The following SPECC1 variants were observed in gnomAD, a reference collection of about 807,000 sequenced individuals.
SPECC1 encodes the protein cytospin-B.
Under a neutral mutation model 104.1 loss-of-function variants are expected in SPECC1, and 62 were observed. That is an observed-to-expected ratio of 0.60 (90% CI 0.49 to 0.74). The LOEUF (loss-of-function observed/expected upper bound fraction) is 0.74. SPECC1 is among the 30% of genes least tolerant of loss of function. SPECC1 has a pLI of 0.00. For synonymous variants in SPECC1, 513 were observed against 501.6 expected (o/e 1.02, Z -0.30); for missense variants, 1,306 against 1,310.5 (o/e 1.00, Z 0.05).
intron 12 of SPECC1, among the ~76,000 whole-genome samples, chr17:20,265,639 T>C (rs969800983): frequency 6.6e-6 from 1 of 152,258 alleles, no homozygotes; most frequent in Non-Finnish European, 1.5e-5. Flanking sequence ...GCACTTGCTT[T>C]TGGGGACTTA....
intron 1 of SPECC1, among the ~76,000 whole-genome samples, chr17:20,030,936 TC>T (rs1287326352): frequency 2.0e-5 from 3 of 152,196 alleles, no homozygotes; most frequent in African/African-American, 7.2e-5. Context: ...TGCACATCTT[TC>T]TCCTCCTCAG....
rs182880224 is a variant in SPECC1, at chr17:20,288,747, C to T, written c.2941-8214C>T. 5.6e-3 allele frequency among the ~76,000 whole-genome samples: 822 copies of T among 145,690 alleles called. 7 individuals carry two copies. The highest frequency in any genetic ancestry group is 0.019 in the African/African-American group (756 of 39,620). The stretch of plus-strand genomic sequence containing the variant: ...CACATTGCTGGGGAGGCCTCAGAAT[C>T]ATGGCAGGAGGTGAAGGGCACTTCT... On this transcript the variant is annotated intron_variant, in intron 12 of 14. Coordinates refer to ENST00000395527, the MANE Select transcript of SPECC1 (RefSeq NM_001243439.2).
chr17:20,046,086 G>A (rs1354853913), intron 1 of SPECC1, among the ~76,000 whole-genome samples: 4 of 149,468 alleles, frequency 2.7e-5, no homozygotes, highest in East Asian at 3.9e-4. Context: ...TTTTTGTGAC[G>A]CTTTGAGAAT....
In SPECC1 at chr17:20,188,898, G is replaced by A. The variant is rs562720775; in HGVS notation, c.284-15435G>A. On this transcript the variant is annotated intron_variant, in intron 3 of 14. Coordinates refer to ENST00000395527, the MANE Select transcript of SPECC1 (RefSeq NM_001243439.2). ...TTAATAGAAATAAACAGGATTTTGC[G>A]TGCCCAGTCCATCTAATTATCTAAT... Among the ~76,000 whole-genome samples, 8 of 152,198 alleles carry A rather than the reference G, an allele frequency of 5.3e-5. No homozygotes were observed. The East Asian group carries it at 7.7e-4, about 15-fold the overall frequency.
Position 20,251,215 on chromosome 17 carries a change from A to ACT in SPECC1, c.2599-2287_2599-2286dup, listed in dbSNP as rs570146261. On this transcript the variant is annotated intron_variant, in intron 9 of 14. Coordinates refer to ENST00000395527, the MANE Select transcript of SPECC1 (RefSeq NM_001243439.2). ...TTCCACTCCTGGGCGACAGAGTAAG[A>ACT]CTCTATCTCAAAAAAAAAAAAAAAA... Among the ~76,000 whole-genome samples the ACT allele has an allele frequency of 5.4e-3, 674 of 124,340 alleles. 11 individuals carry two copies. Among genetic ancestry groups the ACT allele is most frequent in the African/African-American group, 0.023 (637 of 27,364 alleles). 81.6% of individuals were successfully genotyped at this position (124,340 alleles called of 152,430 possible). A position where few individuals can be genotyped will look rare whatever the true frequency, so the allele number is the denominator to read the frequency against.
intron 1 of SPECC1, among the ~76,000 whole-genome samples, chr17:20,052,579 C>T (rs924485969): frequency 2.0e-5 from 3 of 152,190 alleles, no homozygotes; most frequent in Admixed American, 6.5e-5. Flanking sequence ...TCCTAGACCA[C>T]AGGCTGGGAG....
At chr17:20,292,346 G>T (rs7224558) in intron 12 of SPECC1, among the ~76,000 whole-genome samples, 4,133 of 151,768 alleles carry the variant, frequency 0.027, 179 homozygotes, top group African/African-American at 0.094. Context: ...TTTTTTTTGG[G>T]GGGGGGACGG....
chr17:20,073,499 G>T (rs1174826847), intron 1 of SPECC1: 1 of 152,272 alleles, frequency 6.6e-6, no homozygotes, highest in African/African-American at 2.4e-5. Flanking sequence ...TGAGAGGCAG[G>T]AGAGAGACGG....
At position 20,315,874 on chromosome 17, in the gene SPECC1, T is replaced by C. The variant is rs2042034342; in HGVS notation, c.*1809T>C. On this transcript the variant is annotated 3_prime_UTR_variant, in exon 15 of 15. Coordinates refer to ENST00000395527, the MANE Select transcript of SPECC1 (RefSeq NM_001243439.2). ...CTACAGTGGACCCTTTTGAAAACAC[T>C]CTTGGCTGCCCTAGTTGGTTAACTT... is the stretch of plus-strand genomic sequence containing the variant. The C allele has an allele frequency of 4.3e-6, 1 of 232,592 alleles. No individual in the cohort carries two copies. Among genetic ancestry groups the C allele is most frequent in the Admixed American group, 5.6e-5 (1 of 17,764 alleles). 14.4% of individuals were successfully genotyped at this position (232,592 alleles called of 1,614,324 possible). A position where few individuals can be genotyped will look rare whatever the true frequency, so the allele number is the denominator to read the frequency against.
chr17:20,201,557 G>A (rs977290996), intron 3 of SPECC1, among the ~76,000 whole-genome samples: 3 of 152,124 alleles, frequency 2.0e-5, no homozygotes, highest in African/African-American at 7.2e-5. Flanking sequence ...CCAGTGTGAT[G>A]ATCAGTCCTG....
At chr17:20,157,115 T>C (rs968037408) in intron 3 of SPECC1, among the ~76,000 whole-genome samples, 5 of 152,212 alleles carry the variant, frequency 3.3e-5, no homozygotes, top group African/African-American at 1.2e-4. Flanking sequence ...AAGCGACTTG[T>C]CCGAGTGACC....
At chr17:20,313,629 G>A (rs2041989128) in intron 14 of SPECC1, among the ~76,000 whole-genome samples, 1 of 152,200 alleles carries the variant, frequency 6.6e-6, no homozygotes, top group African/African-American at 2.4e-5. Context: ...GGGAATTAGA[G>A]GTGGATTCAA....
chr17:20,051,108 CTTTCTTTCT>C, intron 1 of SPECC1, among the ~76,000 whole-genome samples: 16 of 129,584 alleles, frequency 1.2e-4, no homozygotes, highest in South Asian at 2.7e-4. Flanking sequence ...TTCTTTCTTT[CTTTCTTTCT>C]TTCTTTCTTT....
chr17:20,013,536 C>G (rs951660186), intron 1 of SPECC1, among the ~76,000 whole-genome samples: 1 of 152,186 alleles, frequency 6.6e-6, no homozygotes, highest in Non-Finnish European at 1.5e-5. Flanking sequence ...GAGTCTTGCT[C>G]TATCGTCCAG....
Position 20,196,054 on chromosome 17 carries a change from A to T in SPECC1, c.284-8279A>T, listed in dbSNP as rs188147142. On this transcript the variant is annotated intron_variant, in intron 3 of 14. Coordinates refer to ENST00000395527, the MANE Select transcript of SPECC1 (RefSeq NM_001243439.2). ...AATTTAGCCAATGTCCACACACAGA[A>T]TCTCTTTTACAATTAATTTTTTACA... is the stretch of plus-strand genomic sequence containing the variant. Among the ~76,000 whole-genome samples the T allele has an allele frequency of 4.2e-3, 645 of 152,332 alleles. 3 individuals carry two copies. The highest frequency in any genetic ancestry group is 0.014 in the African/African-American group (566 of 41,574).
At chr17:20,049,274 T>G (rs1310042721) in intron 1 of SPECC1, among the ~76,000 whole-genome samples, 1 of 152,150 alleles carries the variant, frequency 6.6e-6, no homozygotes, top group African/African-American at 2.4e-5. Flanking sequence ...TAAAATAGAT[T>G]TGAAAGTTTT....
chr17:20,181,192 T>A (rs1245246053), intron 3 of SPECC1, among the ~76,000 whole-genome samples: 4 of 152,052 alleles, frequency 2.6e-5, no homozygotes, highest in African/African-American at 9.7e-5. Flanking sequence ...AAAAGTATAA[T>A]CTTAGATGCT....
At chr17:20,190,803 C>T (rs950741704) in intron 3 of SPECC1, among the ~76,000 whole-genome samples, 4 of 152,134 alleles carry the variant, frequency 2.6e-5, no homozygotes, top group African/African-American at 4.8e-5. Flanking sequence ...CACCTTGCCT[C>T]CCTCCCTTGG....
intron 1 of SPECC1, among the ~76,000 whole-genome samples, chr17:20,035,288 C>A (rs1043243845): frequency 6.6e-6 from 1 of 152,120 alleles, no homozygotes; most frequent in Admixed American, 6.5e-5. Flanking sequence ...TTTCCGTATA[C>A]ATTTTTGTAT....
Sources: gnomAD v4.1 joint callset for allele counts (sites outside exome capture counted in the v4.1 genomes callset) on GRCh38, gnomAD v4.1.1 for gene constraint, MANE v1.5 for transcripts, NCBI Gene and HGNC (gene_info 2026-07-23, HGNC 2026-07-21) for gene names.